The following LRRTM4 variants were observed in gnomAD, a reference collection of about 807,000 sequenced individuals.
LRRTM4 encodes leucine rich repeat transmembrane neuronal 4.
In LRRTM4, 25 loss-of-function variants were observed where a neutral mutation model predicts 47.6. That is an observed-to-expected ratio of 0.53 (90% CI 0.38 to 0.73). The LOEUF (loss-of-function observed/expected upper bound fraction) is 0.73, where lower values mean the gene tolerates loss of function less well. Among genes scored for constraint, LRRTM4 ranks in the 30% least tolerant of loss-of-function variants. The pLI is 0.00. For missense variants in LRRTM4, 638 were observed against 713.4 expected, an observed-to-expected ratio of 0.89 and a Z score of 1.20; for synonymous variants, 311 against 269.5, an observed-to-expected ratio of 1.15 and a Z score of -1.51.
chr2:77,232,135 A>G (rs1036597633), intron 3 of LRRTM4, among the ~76,000 whole-genome samples: 1 of 152,158 alleles, frequency 6.6e-6, no homozygotes, highest in Non-Finnish European at 1.5e-5. Flanking sequence ...GGGTGGTAAG[A>G]CATAAATGGG....
chr2:77,078,987 T>C (rs1680439014), intron 3 of LRRTM4, among the ~76,000 whole-genome samples: 1 of 152,158 alleles, frequency 6.6e-6, no homozygotes, highest in African/African-American at 2.4e-5. Flanking sequence ...CTTGAGCCTA[T>C]TTTATAAGAG....
At chr2:77,030,247 A>G (rs1427999315) in intron 3 of LRRTM4, among the ~76,000 whole-genome samples, 5 of 152,146 alleles carry the variant, frequency 3.3e-5, no homozygotes, top group Admixed American at 1.3e-4. Flanking sequence ...CCTGGCTAAC[A>G]CAGTGAAACC....
chr2:76,750,058 T>C lies in LRRTM4; in HGVS notation c.1552-1142A>G, dbSNP rs192274343. 7.5e-4 allele frequency among the ~76,000 whole-genome samples: 115 copies of C among 152,320 alleles called. 1 individual carries two copies. In the East Asian group the frequency reaches 0.018, roughly 24 times the overall value. Reference sequence around the variant, plus strand: ...GTGGTTTCCTGTTAGGCTTTGCCAATGGAGGGAGATGGCAAGACTTGGCAG... The same window carrying C: ...GTGGTTTCCTGTTAGGCTTTGCCAACGGAGGGAGATGGCAAGACTTGGCAG... On this transcript the variant is annotated intron_variant, in intron 3 of 3. Transcript: ENST00000409884.
At chr2:77,299,649 G>C (rs1677073023) in intron 3 of LRRTM4, among the ~76,000 whole-genome samples, 1 of 151,980 alleles carries the variant, frequency 6.6e-6, no homozygotes, top group African/African-American at 2.4e-5. Context: ...AAAAATGAAA[G>C]CCTAAGTAAA....
intron 3 of LRRTM4, among the ~76,000 whole-genome samples, chr2:77,096,887 A>C (rs1670827352): frequency 6.6e-6 from 1 of 151,882 alleles, no homozygotes; most frequent in Non-Finnish European, 1.5e-5. Flanking sequence ...TATCAACTTA[A>C]GGTAATTGGA....
intron 3 of LRRTM4, chr2:77,517,913 T>C (rs1296172636): frequency 2.1e-5 from 21 of 991,734 alleles, no homozygotes; most frequent in Non-Finnish European, 2.5e-5. Flanking sequence ...TTTGGTAAAC[T>C]CACTTTATTT....
intron 3 of LRRTM4, among the ~76,000 whole-genome samples, chr2:76,930,179 C>T (rs1374100605): frequency 6.6e-6 from 1 of 152,108 alleles, no homozygotes; most frequent in African/African-American, 2.4e-5. Context: ...CCTTGAGCAC[C>T]ATCTGTAATT....
intron 3 of LRRTM4, among the ~76,000 whole-genome samples, chr2:77,016,937 C>T (rs1292102194): frequency 3.3e-5 from 5 of 151,788 alleles, no homozygotes; most frequent in Non-Finnish European, 7.4e-5. Context: ...ACTCTATTTG[C>T]CTGTAGTTAG....
chr2:77,487,174 G>C (rs1677949784), intron 3 of LRRTM4, among the ~76,000 whole-genome samples: 1 of 152,206 alleles, frequency 6.6e-6, no homozygotes, highest in African/African-American at 2.4e-5. Context: ...ACAGGAGGGA[G>C]CCCCGCCCCC....
intron 3 of LRRTM4, among the ~76,000 whole-genome samples, chr2:76,963,892 A>C (rs1558765340): frequency 6.6e-6 from 1 of 150,768 alleles, no homozygotes; most frequent in Non-Finnish European, 1.5e-5. Flanking sequence ...TAAAAATTTC[A>C]TTTTTATATT....
At chr2:76,977,475 A>G (rs906510141) in intron 3 of LRRTM4, among the ~76,000 whole-genome samples, 1 of 151,888 alleles carries the variant, frequency 6.6e-6, no homozygotes, top group Non-Finnish European at 1.5e-5. Flanking sequence ...TTTGTTCTCA[A>G]TATGAAACTA....
intron 3 of LRRTM4, among the ~76,000 whole-genome samples, chr2:77,150,602 CATAT>C (rs1558606225): frequency 6.6e-6 from 1 of 152,036 alleles, no homozygotes; most frequent in Non-Finnish European, 1.5e-5. Flanking sequence ...ATCTATAAGA[CATAT>C]ATGATATATA....
intron 3 of LRRTM4, among the ~76,000 whole-genome samples, chr2:77,150,441 T>G (rs923088963): frequency 6.6e-6 from 1 of 152,138 alleles, no homozygotes; most frequent in Non-Finnish European, 1.5e-5. Flanking sequence ...GTTAGCCTAT[T>G]TCAGAATGGG....
chr2:76,872,853 T>G (rs1410822798), intron 3 of LRRTM4, among the ~76,000 whole-genome samples: 1 of 152,034 alleles, frequency 6.6e-6, no homozygotes, highest in African/African-American at 2.4e-5. Flanking sequence ...AGAGTTCCTC[T>G]GAGAATTGGT....
chr2:76,885,391 G>A (rs1196976728), intron 3 of LRRTM4, among the ~76,000 whole-genome samples: 4 of 151,200 alleles, frequency 2.6e-5, no homozygotes, highest in Non-Finnish European at 5.9e-5. Flanking sequence ...ATAACTGAAT[G>A]ATCAACAACC....
intron 3 of LRRTM4, among the ~76,000 whole-genome samples, chr2:77,238,682 A>G: frequency 6.6e-6 from 1 of 152,256 alleles, no homozygotes; most frequent in East Asian, 1.9e-4. Context: ...AAAGCTAAAG[A>G]GTCAAAGTTA....
chr2:77,179,022 T>A (rs902570757), intron 3 of LRRTM4, among the ~76,000 whole-genome samples: 3 of 152,224 alleles, frequency 2.0e-5, no homozygotes, highest in Non-Finnish European at 4.4e-5. Flanking sequence ...GTCAAATCAT[T>A]GTATTTTAGC....
At chr2:77,411,434 C>T (rs13428568) in intron 3 of LRRTM4, among the ~76,000 whole-genome samples, 1 of 144,482 alleles carries the variant, frequency 6.9e-6, no homozygotes, top group African/African-American at 2.7e-5. Context: ...CTCTCTCTCT[C>T]TCTCTCTCTC....
intron 3 of LRRTM4, among the ~76,000 whole-genome samples, chr2:77,208,267 G>A (rs887459659): frequency 1.3e-5 from 2 of 152,144 alleles, no homozygotes; most frequent in Admixed American, 6.6e-5. Context: ...GGAACTAGAT[G>A]CTATAAGGGA....
Sources: gnomAD v4.1 joint callset for allele counts (sites outside exome capture counted in the v4.1 genomes callset) on GRCh38, gnomAD v4.1.1 for gene constraint, MANE v1.5 for transcripts, NCBI Gene and HGNC (gene_info 2026-07-23, HGNC 2026-07-21) for gene names.